Variants in RASL10A observed in about 807,000 individuals in gnomAD.
The protein encoded by RASL10A is ras-like protein family member 10A.
RASL10A carries 13 observed loss-of-function variants against 17.3 expected under a neutral mutation model. The ratio of observed to expected loss-of-function variants is 0.75; its 90% confidence interval spans 0.49 to 1.20. The LOEUF is 1.20. RASL10A is among the 50% of genes most tolerant of loss of function. The pLI, the probability that RASL10A is intolerant of heterozygous loss-of-function variation, is 0.00. For missense variants in RASL10A, 307 were observed against 310.3 expected (o/e 0.99, Z 0.08); for synonymous variants, 159 against 142.2 (o/e 1.12, Z -0.84).
chr22:29,316,197 AAGAGG>A (rs2061453331), upstream of RASL10A, among the ~76,000 whole-genome samples: 1 of 152,206 alleles, frequency 6.6e-6, no homozygotes, highest in Admixed American at 6.5e-5. Context: ...TGGTTGAGAG[AAGAGG>A]AAACAGGCCC....
upstream of RASL10A, among the ~76,000 whole-genome samples, chr22:29,317,646 A>G (rs1007172664): frequency 6.6e-6 from 1 of 151,758 alleles, no homozygotes; most frequent in Non-Finnish European, 1.5e-5. Context: ...CAACACAACA[A>G]CAAAACCCAG....
chr22:29,313,145 C>G lies in RASL10A; in HGVS notation c.*156G>C. ...GGGTCCAATGAGGTTCAAAAGGGGG[C>G]CAGTCGCTTAGGAGACTGGGTTGGA... is the stretch of plus-strand genomic sequence containing the variant. On this transcript the variant is annotated 3_prime_UTR_variant, in exon 3 of 3. Transcript: ENST00000216101. 9 of 1,036,248 alleles carry G rather than the reference C, an allele frequency of 8.7e-6. No individual in the cohort carries two copies. Among genetic ancestry groups the G allele is most frequent in the Non-Finnish European group, 1.2e-5 (9 of 766,968 alleles). The allele number at this position is 1,036,248 out of a possible 1,614,324, so 64.2% of individuals were successfully genotyped here.
chr22:29,317,389 T>G (rs1166994967), upstream of RASL10A, among the ~76,000 whole-genome samples: 1 of 152,048 alleles, frequency 6.6e-6, no homozygotes, highest in Non-Finnish European at 1.5e-5. Context: ...AGGTGTGTAC[T>G]ACGACATCCA....
At chr22:29,313,821 A>T in intron 2 of RASL10A, 42 bp downstream of exon 2, 1 of 1,608,562 alleles carries the variant, frequency 6.2e-7, no homozygotes, top group Non-Finnish European at 8.5e-7. Context: ...GCCCTGCCAG[A>T]CCTGTCCTAG....
Position 29,313,442 on chromosome 22 carries a change from G to A in RASL10A, c.471C>T (p.Leu157=). The change falls in exon 3 of 3, where the codon CTC becomes CTT. Residue 157 remains leucine (L), a synonymous_variant. Transcript: ENST00000216101. ...GCCAGTTGTACTTGGCGGAGCACTC[G>A]AGGTAGCCGCAGCGCCAGCCCCTGC... is the stretch of plus-strand genomic sequence containing the variant. ...LVRRGWRCGY[L]ECSAKYNWHV... The A allele has an allele frequency of 1.3e-6, 2 of 1,541,498 alleles. No homozygotes were observed. The highest frequency in any genetic ancestry group is 1.4e-5 in the African/African-American group (1 of 73,216).
Position 29,313,481 on chromosome 22 carries a change from C to T in RASL10A, c.432G>A (p.Leu144=), listed in dbSNP as rs761597179. The T allele has an allele frequency of 1.3e-6, 2 of 1,553,580 alleles. No homozygotes were observed. Among genetic ancestry groups the T allele is most frequent in the Non-Finnish European group, 1.7e-6 (2 of 1,156,408 alleles). The change falls in exon 3 of 3, where the codon CTG becomes CTA. Residue 144 remains leucine, a synonymous_variant. Transcript: ENST00000216101. ...GCCAGCCCCTGCGCACTAGGGCGGC[C>T]AGCGCGCGCCGCGGTCCGAAGCGCA... ...QRLRFGPRRA[L]AALVRRGWRC...
upstream of RASL10A, among the ~76,000 whole-genome samples, chr22:29,319,105 C>T (rs2061465392): frequency 6.6e-6 from 1 of 151,956 alleles, no homozygotes; most frequent in Admixed American, 6.6e-5. Context: ...CCCACAGGCT[C>T]CTAACACCAG....
chr22:29,315,600 C>A lies in RASL10A; in HGVS notation c.-354G>T, dbSNP rs954232493. The A allele has an allele frequency of 6.3e-6, 1 of 157,600 alleles. No homozygotes were observed. The highest frequency in any genetic ancestry group is 1.8e-4 in the East Asian group (1 of 5,432). 9.8% of individuals were successfully genotyped at this position (157,600 alleles called of 1,614,324 possible). Reference sequence around the variant, plus strand: ...GCGAGGCGCCGAAGTCCGCCCCTCTCGCGGCGCGGGTCCCGCAGCGGTGCG... The same window carrying A: ...GCGAGGCGCCGAAGTCCGCCCCTCTAGCGGCGCGGGTCCCGCAGCGGTGCG... On this transcript the variant is annotated 5_prime_UTR_variant, in exon 1 of 3. Transcript: ENST00000216101. This position sits in a 1 kb window ranked among gnomAD's most constrained non-coding sequence, Gnocchi z 5.5.
chr22:29,318,449 C>G (rs1324705633), upstream of RASL10A, among the ~76,000 whole-genome samples: 1 of 152,232 alleles, frequency 6.6e-6, no homozygotes, highest in Non-Finnish European at 1.5e-5. Context: ...TCAGGAAGTA[C>G]TCAACTGAAG....
Position 29,313,934 on chromosome 22 carries a change from G to A in RASL10A, c.273C>T (p.Leu91=). 1.2e-6 allele frequency: 2 copies of A among 1,613,928 alleles called. No homozygotes were observed. Among genetic ancestry groups the A allele is most frequent in the Non-Finnish European group, 1.7e-6 (2 of 1,180,028 alleles). Reference sequence around the variant, plus strand: ...TGTCCGGGCTGCAGATGTCGTAGACGAGCACGAAGGCGTCCGTGTCCTGCA... The same window carrying A: ...TGTCCGGGCTGCAGATGTCGTAGACAAGCACGAAGGCGTCCGTGTCCTGCA... ...WSLQDTDAFV[L]VYDICSPDSF... The change falls in exon 2 of 3, where the codon CTC becomes CTT. Residue 91 remains leucine, a synonymous_variant. Coordinates refer to ENST00000216101, the MANE Select transcript of RASL10A (RefSeq NM_006477.5).
In RASL10A at chr22:29,313,556, C is replaced by T; in HGVS notation, c.357G>A (p.Ala119=). The change falls in exon 3 of 3, where the codon GCG becomes GCA. Residue 119 remains alanine, a synonymous_variant. Coordinates refer to ENST00000216101, the MANE Select transcript of RASL10A (RefSeq NM_006477.5). ...CTACCACGAGGATGGGCGCTTCGGG[C>T]GCGCCCGCCGGCCTGGGGGCCGAAT... is the stretch of plus-strand genomic sequence containing the variant. ...QRIAETRPAG[A]PEAPILVVGN... 6.5e-7 allele frequency: 1 copy of T among 1,528,786 alleles called. No individual in the cohort carries two copies. The highest frequency in any genetic ancestry group is 8.7e-7 in the Non-Finnish European group (1 of 1,149,690). 94.7% of individuals were successfully genotyped at this position (1,528,786 alleles called of 1,614,324 possible).
At chr22:29,316,244 T>TG (rs1206993759), upstream of RASL10A, among the ~76,000 whole-genome samples, 1 of 152,048 alleles carries the variant, frequency 6.6e-6, no homozygotes, top group South Asian at 2.1e-4. Flanking sequence ...AGAAGGGCAG[T>TG]GGGGGGGCCC....
intron 1 of RASL10A, among the ~76,000 whole-genome samples, chr22:29,314,750 G>C (rs1044278611): frequency 1.3e-5 from 2 of 152,128 alleles, no homozygotes; most frequent in Non-Finnish European, 2.9e-5. Flanking sequence ...GCACCACCAA[G>C]AGCTGCTCCA....
chr22:29,314,302 C>T (rs1326231720), intron 1 of RASL10A: 1 of 315,636 alleles, frequency 3.2e-6, no homozygotes, highest in East Asian at 6.8e-5. Context: ...CTTACCACGG[C>T]CTCTAAGACT....
intron 2 of RASL10A, 27 bp downstream of exon 2, chr22:29,313,836 C>G: frequency 1.2e-6 from 2 of 1,611,278 alleles, no homozygotes; most frequent in South Asian, 1.1e-5. Flanking sequence ...TCCTAGCTCC[C>G]CACCGCCAGA....
chr22:29,314,995 TCA>T, intron 1 of RASL10A, 31 bp downstream of exon 1: 1 of 1,446,822 alleles, frequency 6.9e-7, no homozygotes, highest in Non-Finnish European at 9.1e-7. Flanking sequence ...CCTCACACTG[TCA>T]CACGCCCCTG....
rs1437697759 is a variant in RASL10A, at chr22:29,313,222, T to C, written c.*79A>G. The C allele has an allele frequency of 6.3e-6, 9 of 1,417,906 alleles. No individual in the cohort carries two copies. The Admixed American group carries it at 2.1e-4, about 33-fold the overall frequency. The allele number at this position is 1,417,906 out of a possible 1,614,324, so 87.8% of individuals were successfully genotyped here. ...ACTTCCCTGTCCAGTCCCAGTGAAG[T>C]TGGGCGATCCCGTCCAATCCAGGTC... On this transcript the variant is annotated 3_prime_UTR_variant, in exon 3 of 3. Coordinates refer to ENST00000216101, the MANE Select transcript of RASL10A (RefSeq NM_006477.5).
In RASL10A at chr22:29,315,307, C is replaced by T. The variant is rs1451939425; in HGVS notation, c.-61G>A. On this transcript the variant is annotated 5_prime_UTR_variant, in exon 1 of 3. Transcript: ENST00000216101. The surrounding 1 kb of genome is among the most constrained non-coding windows in gnomAD (Gnocchi z 5.5). The stretch of plus-strand genomic sequence containing the variant: ...CCTCATGGGCCGGCGCCGCACCGTG[C>T]GCCCCCAGGCCGTGCGCCCCGCGCG... The T allele has an allele frequency of 8.6e-6, 10 of 1,161,094 alleles. No homozygotes were observed. The highest frequency in any genetic ancestry group is 3.2e-5 in the African/African-American group (2 of 62,170). The allele number at this position is 1,161,094 out of a possible 1,614,324, so 71.9% of individuals were successfully genotyped here.
At chr22:29,317,968 G>A (rs934214958), upstream of RASL10A, among the ~76,000 whole-genome samples, 1 of 152,222 alleles carries the variant, frequency 6.6e-6, no homozygotes, top group African/African-American at 2.4e-5. Flanking sequence ...TTTCAGGCAT[G>A]AGCCACTGCG....
Sources: gnomAD v4.1 joint callset for allele counts (sites outside exome capture counted in the v4.1 genomes callset) on GRCh38, gnomAD v4.1.1 for gene constraint, Gnocchi (gnomAD v3.1) non-coding constraint, MANE v1.5 for transcripts, NCBI Gene and HGNC (gene_info 2026-07-23, HGNC 2026-07-21) for gene names.